The following ATP4A variants were observed in gnomAD, a reference collection of about 807,000 sequenced individuals.
ATP4A encodes ATPase H+/K+ transporting subunit alpha, also known as potassium-transporting ATPase alpha chain 1.
A neutral mutation model predicts 112.1 loss-of-function variants in ATP4A; 73 were observed. The ratio of observed to expected loss-of-function variants is 0.65; its 90% CI spans 0.54 to 0.79. The LOEUF (loss-of-function observed/expected upper bound fraction) is 0.79, where lower values mean the gene tolerates loss of function less well. Ranked by LOEUF, ATP4A falls within the 30% of genes least tolerant of loss-of-function variation. The pLI, the probability that ATP4A is intolerant of heterozygous loss-of-function variation, is 0.00. For synonymous variants in ATP4A, 588 were observed against 588.9 expected (o/e 1.00, Z 0.02); for missense variants, 1,081 against 1,425.9 (o/e 0.76, Z 3.90).
rs549764112 is a variant in ATP4A at position 35,556,314 on chromosome 19, T to G, written c.1870-502A>C. ...AAGGAAAGAGGGCTAACGAACAAGCTTAGAAAGGTAACAAGGCCCGATGTA... is the reference window on the plus strand; with the variant it reads ...AAGGAAAGAGGGCTAACGAACAAGCGTAGAAAGGTAACAAGGCCCGATGTA... On this transcript the variant is annotated intron_variant, in intron 12 of 21. Transcript: ENST00000262623. 2.0e-5 allele frequency among the ~76,000 whole-genome samples: 3 copies of G among 152,188 alleles called. No individual in the cohort carries two copies. In the East Asian group the frequency reaches 5.8e-4, roughly 29 times the overall value.
At chr19:35,556,709 A>G (rs2733740) in intron 12 of ATP4A, among the ~76,000 whole-genome samples, 1 of 152,212 alleles carries the variant, frequency 6.6e-6, no homozygotes, top group Non-Finnish European at 1.5e-5. Flanking sequence ...GAGCTGAGAC[A>G]TGGAGAAAGG....
At chr19:35,553,888 C>T (rs1456696555) in intron 16 of ATP4A, 59 bp from the exon 17 acceptor site, 2 of 1,526,042 alleles carry the variant, frequency 1.3e-6, no homozygotes, top group Non-Finnish European at 1.8e-6. Context: ...GTCCCCTCCA[C>T]TTCGGGTCCC....
At position 35,560,718 on chromosome 19, in the gene ATP4A, G is replaced by T; in HGVS notation, c.534+101C>A. ...AGGAGAGCTGGGACCCATGGGGAGA[G>T]ATGGAGGCCACAGATGAGGGACAGG... is the stretch of plus-strand genomic sequence containing the variant. On this transcript the variant is annotated intron_variant, in intron 5 of 21. Coordinates refer to ENST00000262623, the MANE Select transcript of ATP4A (RefSeq NM_000704.3). This position sits in a 1 kb window ranked among gnomAD's most constrained non-coding sequence, Gnocchi z 5.1. 3 of 1,582,166 alleles carry T rather than the reference G, an allele frequency of 1.9e-6. No homozygotes were observed. In the South Asian group the frequency reaches 3.4e-5, roughly 18 times the overall value.
In ATP4A at chr19:35,551,201, C is replaced by T; in HGVS notation, c.2886-90G>A. 7.4e-7 allele frequency: 1 copy of T among 1,348,128 alleles called. No individual in the cohort carries two copies. Among genetic ancestry groups the T allele is most frequent in the Non-Finnish European group, 1.0e-6 (1 of 966,928 alleles). The allele number at this position is 1,348,128 out of a possible 1,614,324, so 83.5% of individuals were successfully genotyped here. A position where few individuals can be genotyped will look rare whatever the true frequency, so the allele number is the denominator to read the frequency against. ...TGGGTCAAAGTAGGTCAGATGTCAG[C>T]AGCAGCAGGGAGGTGTTCTACACAC... On this transcript the variant is annotated intron_variant, in intron 19 of 21. Coordinates refer to ENST00000262623, the MANE Select transcript of ATP4A (RefSeq NM_000704.3). The surrounding 1 kb of genome is among the most constrained non-coding windows in gnomAD (Gnocchi z 5.2).
Position 35,559,664 on chromosome 19 carries a change from G to T in ATP4A, c.1056+141C>A. The T allele has an allele frequency of 7.4e-7, 1 of 1,348,028 alleles. No homozygotes were observed. The allele number at this position is 1,348,028 out of a possible 1,614,324, so 83.5% of individuals were successfully genotyped here. ...CTCGGGAAGGACTTGCTGAATGAGT[G>T]GATGATGGGAAGGCAGGAGAATGGA... On this transcript the variant is annotated intron_variant, in intron 7 of 21. Transcript: ENST00000262623. This position sits in a 1 kb window ranked among gnomAD's most constrained non-coding sequence, Gnocchi z 4.1.
chr19:35,552,954 G>A, intron 18 of ATP4A, 83 bp downstream of exon 18: 1 of 1,481,438 alleles, frequency 6.8e-7, no homozygotes, highest in African/African-American at 1.4e-5. Flanking sequence ...GTCACACGTG[G>A]AGGAACAAGT....
rs1485800680 is a variant in ATP4A, at chr19:35,550,349, C to T, written c.*266G>A. 1 of 540,220 alleles carries T rather than the reference C, an allele frequency of 1.9e-6. No homozygotes were observed. Among genetic ancestry groups the T allele is most frequent in the African/African-American group, 1.9e-5 (1 of 52,544 alleles). The allele number at this position is 540,220 out of a possible 1,614,324, so 33.5% of individuals were successfully genotyped here. A position where few individuals can be genotyped will look rare whatever the true frequency, so the allele number is the denominator to read the frequency against. ...TCAGCTGTACTCCCTGTCAGAGCCC[C>T]ACCGCCACCACAGGTGGCGGCTTTC... On this transcript the variant is annotated 3_prime_UTR_variant, in exon 22 of 22. Coordinates refer to ENST00000262623, the MANE Select transcript of ATP4A (RefSeq NM_000704.3). This position sits in a 1 kb window ranked among gnomAD's most constrained non-coding sequence, Gnocchi z 4.1.
At position 35,559,331 on chromosome 19, in the gene ATP4A, T is replaced by C; in HGVS notation, c.1057-140A>G. 2.3e-6 allele frequency: 2 copies of C among 880,230 alleles called. No homozygotes were observed. Among genetic ancestry groups the C allele is most frequent in the South Asian group, 3.2e-5 (2 of 62,254 alleles). The allele number at this position is 880,230 out of a possible 1,614,324, so 54.5% of individuals were successfully genotyped here. A position where few individuals can be genotyped will look rare whatever the true frequency, so the allele number is the denominator to read the frequency against. On this transcript the variant is annotated intron_variant, in intron 7 of 21. Coordinates refer to ENST00000262623, the MANE Select transcript of ATP4A (RefSeq NM_000704.3). This position sits in a 1 kb window ranked among gnomAD's most constrained non-coding sequence, Gnocchi z 4.1. ...GCTTCTGCAAACACCAGGTGTTTTC[T>C]TGGCCCCAGCTTTTGTTCAGCCAGT...
rs143227044 is a variant in ATP4A at position 35,563,618 on chromosome 19, G to A, written c.12C>T (p.Ala4=). MGK[A]ENYELYSVEL... Reference sequence around the variant, plus strand: ...CCCCGGACCCCTGGGCCCCACTCACGGCCTTCCCCATGGTGCCCGGTGCCT... The same window carrying A: ...CCCCGGACCCCTGGGCCCCACTCACAGCCTTCCCCATGGTGCCCGGTGCCT... The change falls in exon 1 of 22, where the codon GCC becomes GCT. Residue 4 remains alanine (A), a splice_region_variant and synonymous_variant. Coordinates refer to ENST00000262623, the MANE Select transcript of ATP4A (RefSeq NM_000704.3). 1.1e-5 allele frequency: 17 copies of A among 1,613,776 alleles called. No homozygotes were observed. Among genetic ancestry groups the A allele is most frequent in the African/African-American group, 8.0e-5 (6 of 74,924 alleles).
Position 35,550,569 on chromosome 19 carries a change from C to G in ATP4A, c.*46G>C. On this transcript the variant is annotated 3_prime_UTR_variant, in exon 22 of 22. Coordinates refer to ENST00000262623, the MANE Select transcript of ATP4A (RefSeq NM_000704.3). This position sits in a 1 kb window ranked among gnomAD's most constrained non-coding sequence, Gnocchi z 4.1. ...CCAGAGGGTCCCACGAGCCCTGCCCCCACCTGCTGTGGCAGTTGCAGGGAT... is the reference window on the plus strand; with the variant it reads ...CCAGAGGGTCCCACGAGCCCTGCCCGCACCTGCTGTGGCAGTTGCAGGGAT... 1 of 1,611,994 alleles carries G rather than the reference C, an allele frequency of 6.2e-7. No homozygotes were observed. The highest frequency in any genetic ancestry group is 8.5e-7 in the Non-Finnish European group (1 of 1,178,226).
rs775448586 is a variant in ATP4A at position 35,563,481 on chromosome 19, C to T, written c.59G>A (p.Gly20Glu). 1.7e-5 allele frequency: 27 copies of T among 1,614,128 alleles called. No homozygotes were observed. The highest frequency in any genetic ancestry group is 2.0e-5 in the Non-Finnish European group (24 of 1,180,016). Residue 20 changes from glycine to glutamate, a missense_variant, in exon 2 of 22, where the codon GGG (glycine) becomes GAG (glutamate). This residue lies in a region of ATP4A where 850 missense variants were observed against 1,068.2 expected (regional missense o/e 0.80). Coordinates refer to ENST00000262623, the MANE Select transcript of ATP4A (RefSeq NM_000704.3). Reference sequence around the variant, plus strand: ...CTTGCTCATCTTGGCAGCCATGTCCCCGCCAGGGCCAGGACCCAGCTCCAC... The same window carrying T: ...CTTGCTCATCTTGGCAGCCATGTCCTCGCCAGGGCCAGGACCCAGCTCCAC... Reference protein sequence around the residue: ...YSVELGPGPGGDMAAKMSKKK... With the variant: ...YSVELGPGPGEDMAAKMSKKK...
In ATP4A at chr19:35,557,848, C is replaced by T. The variant is rs1447659099; in HGVS notation, c.1501-1G>A. 7.4e-7 allele frequency: 1 copy of T among 1,350,992 alleles called. No individual in the cohort carries two copies. The highest frequency in any genetic ancestry group is 9.6e-7 in the Non-Finnish European group (1 of 1,040,722). The allele number at this position is 1,350,992 out of a possible 1,614,324, so 83.7% of individuals were successfully genotyped here. On this transcript the variant is annotated splice_acceptor_variant, in intron 10 of 21. Coordinates refer to ENST00000262623, the MANE Select transcript of ATP4A (RefSeq NM_000704.3). LOFTEE classifies it high-confidence loss of function. This position sits in a 1 kb window ranked among gnomAD's most constrained non-coding sequence, Gnocchi z 4.4. ...GGTCCTCCAGCGTATGGATGGACAG[C>T]TGTGGGCGGGGGGGAGAGGCGAGGC... is the stretch of plus-strand genomic sequence containing the variant.
In ATP4A at chr19:35,557,855, CG is replaced by C. The variant is rs761519284; in HGVS notation, c.1501-9del. 36 of 1,006,594 alleles carry C rather than the reference CG, an allele frequency of 3.6e-5. No individual in the cohort carries two copies. The highest frequency in any genetic ancestry group is 1.1e-4 in the Admixed American group (2 of 18,570). The allele number at this position is 1,006,594 out of a possible 1,614,324, so 62.4% of individuals were successfully genotyped here. ...CAGCGTATGGATGGACAGCTGTGGGCGGGGGGGAGAGGCGAGGCTGTGGACG... is the reference window on the plus strand; with the variant it reads ...CAGCGTATGGATGGACAGCTGTGGGCGGGGGGAGAGGCGAGGCTGTGGACG... On this transcript the variant is annotated splice_polypyrimidine_tract_variant and intron_variant, in intron 10 of 21. Transcript: ENST00000262623. This position sits in a 1 kb window ranked among gnomAD's most constrained non-coding sequence, Gnocchi z 4.4.
Position 35,560,674 on chromosome 19 carries a change from T to C in ATP4A, c.535-59A>G. ...GGGGGTGGGGGTGGGAGCTGCTGCA[T>C]GTGGGGAGGTAAAGGATGAGGAGAG... On this transcript the variant is annotated intron_variant, in intron 5 of 21. Transcript: ENST00000262623. The surrounding 1 kb of genome is among the most constrained non-coding windows in gnomAD (Gnocchi z 5.1). The C allele has an allele frequency of 1.3e-6, 2 of 1,583,012 alleles. No homozygotes were observed. The highest frequency in any genetic ancestry group is 1.7e-5 in the Admixed American group (1 of 58,994).
In ATP4A at chr19:35,560,906, A is replaced by G; in HGVS notation, c.447T>C (p.Ala149=). The change falls in exon 5 of 22, where the codon GCT becomes GCC. Residue 149 remains alanine (A), a synonymous_variant. Coordinates refer to ENST00000262623, the MANE Select transcript of ATP4A (RefSeq NM_000704.3). The surrounding 1 kb of genome is among the most constrained non-coding windows in gnomAD (Gnocchi z 5.1). ...CAAAGCAGCCGGTGACGACAACCAC[A>G]GCAATGAGAGCGATTGCCAGGTACA... The part of the protein sequence containing the change: ...DNLYLAIALI[A]VVVVTGCFGY... 6.2e-7 allele frequency: 1 copy of G among 1,613,944 alleles called. No individual in the cohort carries two copies. Among genetic ancestry groups the G allele is most frequent in the South Asian group, 1.1e-5 (1 of 91,072 alleles).
Position 35,557,397 on chromosome 19 carries a change from C to A in ATP4A, c.1693+258G>T, listed in dbSNP as rs1449384018. Among the ~76,000 whole-genome samples the A allele has an allele frequency of 6.6e-6, 1 of 152,102 alleles. No homozygotes were observed. Among genetic ancestry groups the A allele is most frequent in the African/African-American group, 2.4e-5 (1 of 41,432 alleles). ...AGGGTAGAGGCAGCGAAGTTTAAGG[C>A]GTCAGGACAAAAATTGGGAGAGGTT... is the stretch of plus-strand genomic sequence containing the variant. On this transcript the variant is annotated intron_variant, in intron 11 of 21. Coordinates refer to ENST00000262623, the MANE Select transcript of ATP4A (RefSeq NM_000704.3). The surrounding 1 kb of genome is among the most constrained non-coding windows in gnomAD (Gnocchi z 4.4).
rs551102349 is a variant in ATP4A, at chr19:35,562,588, G to A, written c.267C>T (p.Asn89=). 192 of 1,610,950 alleles carry A rather than the reference G, an allele frequency of 1.2e-4. No individual in the cohort carries two copies. In the East Asian group the frequency reaches 3.3e-3, roughly 28 times the overall value. Residue 89 remains asparagine (N), a synonymous_variant, in exon 4 of 22, where the codon AAC becomes AAT. Coordinates refer to ENST00000262623, the MANE Select transcript of ATP4A (RefSeq NM_000704.3). ...AAELLLRDGP[N]ALRPPRGTPE... is the part of the protein sequence containing the mutation. ...GGGTGCCCCGTGGTGGCCGCAGTGC[G>A]TTGGGCCCATCCCGCAGCAGCAGCT...
In ATP4A at chr19:35,559,401, G is replaced by T. The variant is rs537238562; in HGVS notation, c.1057-210C>A. ...CCCCAGTCTGCCCAGATACAGTAGC[G>T]AGGCCCCTCTCTGAGCTGTCCCAGC... On this transcript the variant is annotated intron_variant, in intron 7 of 21. Transcript: ENST00000262623. The surrounding 1 kb of genome is among the most constrained non-coding windows in gnomAD (Gnocchi z 4.1). Among the ~76,000 whole-genome samples the T allele has an allele frequency of 1.3e-5, 2 of 152,336 alleles. No homozygotes were observed. The highest frequency in any genetic ancestry group is 4.8e-5 in the African/African-American group (2 of 41,582).
chr19:35,556,004 A>G (rs1338142706), intron 12 of ATP4A, among the ~76,000 whole-genome samples, 192 bp from the exon 13 acceptor site: 2 of 152,108 alleles, frequency 1.3e-5, no homozygotes, highest in African/African-American at 2.4e-5. Context: ...AGGGTGACAG[A>G]AAATAAAGAA....
Sources: allele counts gnomAD v4.1 joint callset (sites outside exome capture counted in the v4.1 genomes callset), GRCh38; gene constraint gnomAD v4.1.1; regional missense constraint gnomAD v4.1.1; non-coding constraint Gnocchi (gnomAD v3.1); transcripts MANE v1.5; gene names NCBI Gene and HGNC (gene_info 2026-07-23, HGNC 2026-07-21).